The following GLRA2 variants were observed in gnomAD, a reference collection of about 807,000 sequenced individuals.
GLRA2 encodes glycine receptor subunit alpha-2.
GLRA2 carries 11 observed loss-of-function variants against 31.6 expected under a neutral mutation model. The ratio of observed to expected loss-of-function variants is 0.35; its 90% confidence interval spans 0.22 to 0.58. The LOEUF is 0.58. Ranked by LOEUF, GLRA2 falls within the 20% of genes least tolerant of loss-of-function variation. GLRA2 has a pLI of 0.84. For missense variants in GLRA2, 212 were observed against 351.8 expected, an observed-to-expected ratio of 0.60 and a Z score of 3.18; for synonymous variants, 132 against 134.0, an observed-to-expected ratio of 0.99 and a Z score of 0.10.
the GLRA2 span, among the ~76,000 whole-genome samples, chrX:14,460,814 G>T: frequency 9.0e-6 from 1 of 110,794 alleles, no homozygotes; most frequent in East Asian, 2.8e-4. Flanking sequence ...CCAGCTCCTG[G>T]ATTCATTGAT....
At chrX:14,640,462 AC>A (rs1392715961) in intron 7 of GLRA2, among the ~76,000 whole-genome samples, 2 of 112,015 alleles carry the variant, frequency 1.8e-5, no homozygotes, top group South Asian at 3.7e-4. Context: ...TAAAACATAT[AC>A]ATTAAAATGC....
the GLRA2 span, among the ~76,000 whole-genome samples, chrX:14,456,300 G>A: frequency 9.0e-6 from 1 of 111,442 alleles, no homozygotes; most frequent in African/African-American, 3.3e-5. Context: ...CATGTATGCT[G>A]ATCATATCAG....
chrX:14,730,610 G>T lies in GLRA2; in HGVS notation c.*125G>T. ...GGGAGGGGGGAGGGAGGGTCATGGG[G>T]GTGGGTTTCCTGGCACCTACATGAA... On this transcript the variant is annotated 3_prime_UTR_variant, in exon 9 of 9. Coordinates refer to ENST00000218075, the MANE Select transcript of GLRA2 (RefSeq NM_002063.4). The T allele has an allele frequency of 2.8e-6, 1 of 363,334 alleles. No individual in the cohort carries two copies. The highest frequency in any genetic ancestry group is 4.8e-6 in the Non-Finnish European group (1 of 208,346). The allele number at this position is 363,334 out of a possible 1,213,427, so 29.9% of individuals were successfully genotyped here. A position where few individuals can be genotyped will look rare whatever the true frequency, so the allele number is the denominator to read the frequency against.
chrX:14,658,165 C>T (rs1023288884), intron 7 of GLRA2, among the ~76,000 whole-genome samples: 4 of 111,306 alleles, frequency 3.6e-5, no homozygotes, highest in African/African-American at 1.3e-4. Context: ...AGAATCTACT[C>T]TCAATGAAAC....
chrX:14,532,128 T>C, intron 1 of GLRA2, 111 bp from the exon 2 acceptor site: 1 of 504,175 alleles, frequency 2.0e-6, no homozygotes, highest in Non-Finnish European at 3.0e-6. Context: ...GTTTTCTTCA[T>C]ACTAACATAT....
At chrX:14,473,459 T>C in the GLRA2 span, among the ~76,000 whole-genome samples, 1 of 112,289 alleles carries the variant, frequency 8.9e-6, no homozygotes, top group South Asian at 3.7e-4. Flanking sequence ...CATATATTCA[T>C]GCACATGAAC....
At chrX:14,703,133 A>G (rs1426451892) in intron 8 of GLRA2, among the ~76,000 whole-genome samples, 1 of 112,007 alleles carries the variant, frequency 8.9e-6, no homozygotes, top group Non-Finnish European at 1.9e-5. Context: ...GCTATTTTTA[A>G]AATAATGGAA....
At chrX:14,539,048 C>T (rs2089365057) in intron 2 of GLRA2, among the ~76,000 whole-genome samples, 1 of 111,455 alleles carries the variant, frequency 9.0e-6, no homozygotes, top group South Asian at 3.7e-4. Context: ...TGGTCCTCCA[C>T]ATCCTGAAGG....
Position 14,731,086 on chromosome X carries a change from G to GTGTT in GLRA2, c.*603_*606dup, listed in dbSNP as rs2091989021. The stretch of plus-strand genomic sequence containing the variant: ...ATGTTCTTTACAATGTCTGTAATTA[G>GTGTT]TGTTTCACTTGAGAAAGCCTTTTGT... On this transcript the variant is annotated 3_prime_UTR_variant, in exon 9 of 9. Coordinates refer to ENST00000218075, the MANE Select transcript of GLRA2 (RefSeq NM_002063.4). The GTGTT allele has an allele frequency of 8.9e-6, 1 of 112,068 alleles. No homozygotes were observed. Among genetic ancestry groups the GTGTT allele is most frequent in the Non-Finnish European group, 1.9e-5 (1 of 53,247 alleles). 9.2% of individuals were successfully genotyped at this position (112,068 alleles called of 1,213,427 possible).
At chrX:14,729,467 C>T (rs1302376515) in intron 8 of GLRA2, among the ~76,000 whole-genome samples, 1 of 111,640 alleles carries the variant, frequency 9.0e-6, no homozygotes, top group Non-Finnish European at 1.9e-5. Flanking sequence ...TACAATTTTT[C>T]AGACTTTTAT....
chrX:14,495,497 G>C, the GLRA2 span, among the ~76,000 whole-genome samples: 5 of 109,693 alleles, frequency 4.6e-5, no homozygotes, highest in Admixed American at 4.9e-4. Flanking sequence ...GTGGAAGGGG[G>C]AAAGAGAACT....
At chrX:14,679,308 C>T (rs1030202560) in intron 7 of GLRA2, among the ~76,000 whole-genome samples, 2 of 110,242 alleles carry the variant, frequency 1.8e-5, no homozygotes, top group African/African-American at 6.6e-5. Flanking sequence ...AGAAGAGAAC[C>T]AACCTATATA....
chrX:14,696,988 G>A (rs1221411438), intron 8 of GLRA2, among the ~76,000 whole-genome samples: 3 of 110,959 alleles, frequency 2.7e-5, no homozygotes, highest in Non-Finnish European at 3.8e-5. Flanking sequence ...AATTATCACC[G>A]ATGGTTGAAT....
chrX:14,638,080 T>C (rs2090730826), intron 7 of GLRA2, among the ~76,000 whole-genome samples: 1 of 111,486 alleles, frequency 9.0e-6, no homozygotes, highest in Non-Finnish European at 1.9e-5. Flanking sequence ...GTCTTTGAAC[T>C]GCCACCCTGC....
At chrX:14,463,524 G>T in the GLRA2 span, among the ~76,000 whole-genome samples, 4 of 111,492 alleles carry the variant, frequency 3.6e-5, no homozygotes, top group Admixed American at 9.5e-5. Flanking sequence ...GGGCTACCCT[G>T]CAGCTTTGTT....
chrX:14,475,169 T>A, the GLRA2 span, among the ~76,000 whole-genome samples: 25 of 112,467 alleles, frequency 2.2e-4, no homozygotes, highest in East Asian at 6.2e-3. Context: ...CACCAATATA[T>A]GTTTTCTTTT....
At chrX:14,464,553 A>T in the GLRA2 span, among the ~76,000 whole-genome samples, 1 of 108,667 alleles carries the variant, frequency 9.2e-6, no homozygotes, top group Non-Finnish European at 1.9e-5. Context: ...TCTATTTTTT[A>T]TTTATTTATT....
At chrX:14,526,461 A>T (rs778880889), upstream of GLRA2, among the ~76,000 whole-genome samples, 4 of 112,250 alleles carry the variant, frequency 3.6e-5, no homozygotes, top group Non-Finnish European at 7.5e-5. Flanking sequence ...TGGTTCAGGT[A>T]GATTAGTAAG....
At position 14,665,311 on chromosome X, in the gene GLRA2, C is replaced by T. The variant is rs1237075678; in HGVS notation, c.931-25399C>T. Among the ~76,000 whole-genome samples the T allele has an allele frequency of 2.9e-4, 33 of 112,023 alleles. 2 individuals are homozygous for T. Among genetic ancestry groups the T allele is most frequent in the Non-Finnish European group, 1.9e-5 (1 of 53,205 alleles). ...TAGCTCTTCCACTTTCATGCCTAAT[C>T]ATACTTTGTGAATGCATGGAATCAG... is the stretch of plus-strand genomic sequence containing the variant. On this transcript the variant is annotated intron_variant, in intron 7 of 8. Transcript: ENST00000218075.
Sources: gnomAD v4.1 joint callset for allele counts (sites outside exome capture counted in the v4.1 genomes callset) on GRCh38, gnomAD v4.1.1 for gene constraint, MANE v1.5 for transcripts, NCBI Gene and HGNC (gene_info 2026-07-23, HGNC 2026-07-21) for gene names.